MACROD2: variants seen among roughly 807,000 people sequenced by gnomAD.
MACROD2 encodes the protein mono-ADP ribosylhydrolase 2.
Under a neutral mutation model 70.4 loss-of-function variants are expected in MACROD2, and 36 were observed. The observed-to-expected ratio is 0.51, with a 90% CI of 0.39 to 0.68. The LOEUF is 0.68. Ranked by LOEUF, MACROD2 falls within the 30% of genes least tolerant of loss-of-function variation. The probability of loss-of-function intolerance (pLI) is 0.00; values close to 1 mark genes in which losing one functional copy is unlikely to be tolerated. For missense variants in MACROD2, 496 were observed against 538.4 expected (o/e 0.92, Z 0.78); for synonymous variants, 172 against 178.8 (o/e 0.96, Z 0.30).
chr20:14,120,992 A>G (rs1007395796), intron 3 of MACROD2, among the ~76,000 whole-genome samples: 7 of 152,004 alleles, frequency 4.6e-5, no homozygotes, highest in African/African-American at 9.7e-5. Flanking sequence ...TATGTAACAA[A>G]CCTGCACGTT....
At chr20:14,105,749 T>C (rs1316891674) in intron 3 of MACROD2, among the ~76,000 whole-genome samples, 1 of 152,138 alleles carries the variant, frequency 6.6e-6, no homozygotes, top group African/African-American at 2.4e-5. Flanking sequence ...TCCTTCTTTC[T>C]ACTTGAGGAG....
At chr20:14,331,275 A>G in intron 3 of MACROD2, among the ~76,000 whole-genome samples, 1 of 152,096 alleles carries the variant, frequency 6.6e-6, no homozygotes, top group East Asian at 1.9e-4. Flanking sequence ...CTCTAACAAT[A>G]TGTATTGATT....
intron 5 of MACROD2, among the ~76,000 whole-genome samples, chr20:15,212,553 C>T (rs185039455): frequency 4.0e-4 from 61 of 152,198 alleles, no homozygotes; most frequent in African/African-American, 1.2e-3. Flanking sequence ...TTAGTGTGTG[C>T]GACAACAGGG....
chr20:15,343,734 A>G (rs2078134366), intron 6 of MACROD2, among the ~76,000 whole-genome samples: 2 of 152,178 alleles, frequency 1.3e-5, no homozygotes, highest in Admixed American at 6.6e-5. Flanking sequence ...CATCCTTCCT[A>G]AAAGGACCTG....
At chr20:14,435,765 G>T (rs1160389582) in intron 3 of MACROD2, among the ~76,000 whole-genome samples, 1 of 151,462 alleles carries the variant, frequency 6.6e-6, no homozygotes, top group Non-Finnish European at 1.5e-5. Context: ...GGAGTGCAGT[G>T]GTATGATCTT....
At chr20:15,025,521 C>A (rs971349988) in intron 5 of MACROD2, among the ~76,000 whole-genome samples, 5 of 152,200 alleles carry the variant, frequency 3.3e-5, no homozygotes, top group Admixed American at 3.3e-4. Context: ...CTCTACCCCT[C>A]TACCTACTCC....
At chr20:15,302,112 T>C (rs1372721668) in intron 6 of MACROD2, among the ~76,000 whole-genome samples, 1 of 152,160 alleles carries the variant, frequency 6.6e-6, no homozygotes, top group African/African-American at 2.4e-5. Flanking sequence ...TCCCAGCATC[T>C]GGCCCCTCCC....
rs1356463219 is a variant in MACROD2, at chr20:15,903,066, A to T, written c.775+17255A>T. On this transcript the variant is annotated intron_variant, in intron 10 of 17. Transcript: ENST00000684519. ...AAGCCAGGCAGCTCTCTGGGAAAAG[A>T]GTGTTCCAGTAGAGGAAACAGTAAG... 3.3e-5 allele frequency among the ~76,000 whole-genome samples: 5 copies of T among 152,170 alleles called. No individual in the cohort carries two copies. In the East Asian group the frequency reaches 9.6e-4, roughly 29 times the overall value.
chr20:15,932,856 G>T (rs2065599811), intron 10 of MACROD2, among the ~76,000 whole-genome samples: 1 of 152,146 alleles, frequency 6.6e-6, no homozygotes, highest in South Asian at 2.1e-4. Flanking sequence ...AGTGAAAATT[G>T]ACCTTTTTTT....
chr20:15,696,978 A>G (rs1165727973), intron 8 of MACROD2, among the ~76,000 whole-genome samples: 1 of 151,864 alleles, frequency 6.6e-6, no homozygotes, highest in East Asian at 1.9e-4. Context: ...TGGTCTATCA[A>G]TTTTATTTAT....
Position 14,463,144 on chromosome 20 carries a change from C to T in MACROD2, c.272-30335C>T, listed in dbSNP as rs575135360. 3.5e-3 allele frequency among the ~76,000 whole-genome samples: 523 copies of T among 151,532 alleles called. 7 individuals carry two copies. Among genetic ancestry groups the T allele is most frequent in the Non-Finnish European group, 2.6e-3 (175 of 67,834 alleles). On this transcript the variant is annotated intron_variant, in intron 3 of 17. Transcript: ENST00000684519. ...CTTGGGCAGTATGGCCATTTTCACG[C>T]TATTGATTCTTCCTACCCATGAGCA...
intron 13 of MACROD2, among the ~76,000 whole-genome samples, chr20:15,980,388 TTCTCAC>T (rs1164654510): frequency 6.6e-6 from 1 of 152,140 alleles, no homozygotes; most frequent in Non-Finnish European, 1.5e-5. Flanking sequence ...TTAGTGGGAG[TTCTCAC>T]TCTTATTTTT....
At chr20:14,795,209 T>G (rs1233143402) in intron 5 of MACROD2, among the ~76,000 whole-genome samples, 1 of 152,086 alleles carries the variant, frequency 6.6e-6, no homozygotes, top group Non-Finnish European at 1.5e-5. Flanking sequence ...AACCATGGAA[T>G]GTTTTAAATC....
Position 15,510,430 on chromosome 20 carries a change from G to A in MACROD2, c.645+10583G>A, listed in dbSNP as rs145072596. On this transcript the variant is annotated intron_variant, in intron 8 of 17. Coordinates refer to ENST00000684519, the MANE Select transcript of MACROD2 (RefSeq NM_001351661.2). ...GCCCTGATTGAAGGGAAAATTAACA[G>A]TTTTGATACGGTCATCTAGCTCAAC... Among the ~76,000 whole-genome samples the A allele has an allele frequency of 3.3e-4, 50 of 152,208 alleles. No homozygotes were observed. In the East Asian group the frequency reaches 9.3e-3, roughly 28 times the overall value.
At chr20:14,874,283 G>A (rs995917837) in intron 5 of MACROD2, among the ~76,000 whole-genome samples, 3 of 134,108 alleles carry the variant, frequency 2.2e-5, no homozygotes, top group East Asian at 2.2e-4. Flanking sequence ...GTATCAAATG[G>A]AGATTCATTT....
chr20:15,315,097 T>A (rs2077794691), intron 6 of MACROD2, among the ~76,000 whole-genome samples: 2 of 152,112 alleles, frequency 1.3e-5, no homozygotes, highest in Admixed American at 6.5e-5. Context: ...GTGGGTCAAT[T>A]AAAATGATCT....
chr20:15,752,295 T>C (rs1450752614), intron 8 of MACROD2, among the ~76,000 whole-genome samples: 1 of 120,268 alleles, frequency 8.3e-6, no homozygotes, highest in Non-Finnish European at 1.9e-5. Context: ...CTGCAACCTT[T>C]ATTATTATTA....
At chr20:15,373,202 G>C (rs1335044629) in intron 6 of MACROD2, among the ~76,000 whole-genome samples, 1 of 152,082 alleles carries the variant, frequency 6.6e-6, no homozygotes, top group East Asian at 1.9e-4. Context: ...TTCTATAAAT[G>C]TACAACGCTA....
intron 3 of MACROD2, among the ~76,000 whole-genome samples, chr20:14,266,552 T>C (rs1219153207): frequency 6.6e-6 from 1 of 152,164 alleles, no homozygotes; most frequent in African/African-American, 2.4e-5. Context: ...CAACATCATC[T>C]TCATTTATAT....
Sources: allele counts gnomAD v4.1 joint callset (sites outside exome capture counted in the v4.1 genomes callset), GRCh38; gene constraint gnomAD v4.1.1; transcripts MANE v1.5; gene names NCBI Gene and HGNC (gene_info 2026-07-23, HGNC 2026-07-21).